The following DIP2C variants were observed in gnomAD, a reference collection of about 807,000 sequenced individuals.
The protein encoded by DIP2C is DIP2 acetate--CoA ligase C (putative), also known as disco-interacting protein 2 homolog C.
Under a neutral mutation model 192.4 loss-of-function variants are expected in DIP2C, and 33 were observed. That is an observed-to-expected ratio of 0.17 (90% CI 0.13 to 0.23). The LOEUF is 0.23. DIP2C is among the 10% of genes least tolerant of loss of function. The pLI, the probability that DIP2C is intolerant of heterozygous loss-of-function variation, is 1.00. For missense variants in DIP2C, 1,537 were observed against 2,110.1 expected (o/e 0.73, Z 5.32); for synonymous variants, 979 against 864.1 (o/e 1.13, Z -2.33).
chr10:586,413 C>A (rs1303767637), intron 1 of DIP2C, among the ~76,000 whole-genome samples: 1 of 152,128 alleles, frequency 6.6e-6, no homozygotes, highest in African/African-American at 2.4e-5. Flanking sequence ...CCTCAGGGAC[C>A]ACCAACCTCA....
intron 1 of DIP2C, among the ~76,000 whole-genome samples, chr10:548,208 A>ACCCCCACC (rs1783734357): frequency 3.6e-4 from 21 of 58,276 alleles, no homozygotes; most frequent in African/African-American, 1.3e-3. Context: ...AGTCTGCCCC[A>ACCCCCACC]CCCCCCCCCC....
chr10:418,033 C>A (rs1965880628), intron 6 of DIP2C, among the ~76,000 whole-genome samples: 1 of 57,570 alleles, frequency 1.7e-5, no homozygotes, highest in Non-Finnish European at 3.8e-5. Context: ...TCCCTGTCCA[C>A]CTGTTCCTGT....
intron 1 of DIP2C, among the ~76,000 whole-genome samples, chr10:579,976 GTACA>G (rs1196303657): frequency 2.0e-5 from 3 of 151,536 alleles, no homozygotes; most frequent in East Asian, 3.9e-4. Context: ...CATAGCCAAT[GTACA>G]TATACAGGTA....
At chr10:340,322 TTA>T (rs1958082592) in intron 29 of DIP2C, among the ~76,000 whole-genome samples, 1 of 152,130 alleles carries the variant, frequency 6.6e-6, no homozygotes, top group Non-Finnish European at 1.5e-5. Flanking sequence ...GAAATTATTT[TTA>T]TGTTTGTGTT....
At chr10:650,418 C>G in intron 1 of DIP2C, 1 of 714,016 alleles carries the variant, frequency 1.4e-6, no homozygotes, top group South Asian at 1.5e-5. Flanking sequence ...GAGAAGAACG[C>G]AGGCCGACAA....
At chr10:397,773 G>A (rs1328267505) in intron 10 of DIP2C, among the ~76,000 whole-genome samples, 2 of 152,192 alleles carry the variant, frequency 1.3e-5, no homozygotes, top group South Asian at 4.1e-4. Flanking sequence ...CCTTACATTG[G>A]TATGAGCGTA....
intron 1 of DIP2C, among the ~76,000 whole-genome samples, chr10:687,030 A>G (rs1831364584): frequency 6.6e-6 from 1 of 152,142 alleles, no homozygotes; most frequent in Non-Finnish European, 1.5e-5. Flanking sequence ...TTTCTATAAT[A>G]TTTTCTGATA....
At chr10:580,205 T>C (rs148714283) in intron 1 of DIP2C, among the ~76,000 whole-genome samples, 2 of 149,184 alleles carry the variant, frequency 1.3e-5, no homozygotes, top group East Asian at 2.0e-4. Context: ...CATATGCACA[T>C]ATATATAATG....
intron 1 of DIP2C, among the ~76,000 whole-genome samples, chr10:515,471 C>T (rs562246556): frequency 6.6e-6 from 1 of 152,216 alleles, no homozygotes; most frequent in East Asian, 1.9e-4. Context: ...ACCTTTAATC[C>T]CAGCACTTTG....
At chr10:610,957 C>A in intron 1 of DIP2C, among the ~76,000 whole-genome samples, 1 of 148,898 alleles carries the variant, frequency 6.7e-6, no homozygotes, top group Non-Finnish European at 1.5e-5. Flanking sequence ...TGGAGGTGGG[C>A]CCTGGTGGGA....
chr10:619,187 C>G (rs938769843), intron 1 of DIP2C, among the ~76,000 whole-genome samples: 1 of 152,170 alleles, frequency 6.6e-6, no homozygotes, highest in African/African-American at 2.4e-5. Context: ...ACTGTGAACA[C>G]CTGGACAAGT....
chr10:631,796 GT>G (rs1854535516), intron 1 of DIP2C, among the ~76,000 whole-genome samples: 1 of 152,162 alleles, frequency 6.6e-6, no homozygotes, highest in Non-Finnish European at 1.5e-5. Flanking sequence ...GCAGCTTAAT[GT>G]TTTCATGATA....
At chr10:614,411 G>T (rs1488771222) in intron 1 of DIP2C, among the ~76,000 whole-genome samples, 1 of 152,200 alleles carries the variant, frequency 6.6e-6, no homozygotes, top group African/African-American at 2.4e-5. Context: ...TAACAGTGCC[G>T]GCTCTGTGGT....
intron 1 of DIP2C, among the ~76,000 whole-genome samples, chr10:601,378 AAAGT>A (rs769969457): frequency 1.2e-4 from 18 of 152,188 alleles, no homozygotes; most frequent in Non-Finnish European, 2.1e-4. Context: ...TGCATATGTC[AAAGT>A]AAGAAACGTG....
intron 4 of DIP2C, among the ~76,000 whole-genome samples, chr10:426,455 T>C (rs1215902479): frequency 6.6e-6 from 1 of 152,240 alleles, no homozygotes; most frequent in Non-Finnish European, 1.5e-5. Context: ...TTCAAGGCAC[T>C]GCCTAATAAA....
intron 1 of DIP2C, among the ~76,000 whole-genome samples, chr10:489,385 G>A (rs1844259875): frequency 1.3e-5 from 2 of 152,248 alleles, no homozygotes; most frequent in Non-Finnish European, 2.9e-5. Flanking sequence ...AATAGATGAT[G>A]CATATAGACA....
chr10:454,168 T>C (rs1564732181), intron 3 of DIP2C, among the ~76,000 whole-genome samples: 1 of 152,284 alleles, frequency 6.6e-6, no homozygotes, highest in East Asian at 1.9e-4. Flanking sequence ...TTCATTCCCT[T>C]TAGGCCTTTC....
chr10:348,239 G>A (rs1217694422), intron 26 of DIP2C, among the ~76,000 whole-genome samples: 1 of 152,204 alleles, frequency 6.6e-6, no homozygotes, highest in African/African-American at 2.4e-5. Flanking sequence ...TGTAGACGAA[G>A]GAAAACAGAT....
intron 13 of DIP2C, among the ~76,000 whole-genome samples, chr10:388,181 AGAG>A (rs1184937142): frequency 6.6e-5 from 10 of 152,284 alleles, no homozygotes; most frequent in African/African-American, 2.2e-4. Flanking sequence ...CTCTGCGCAC[AGAG>A]GAGGAAGTGG....
Sources: gnomAD v4.1 joint callset for allele counts (sites outside exome capture counted in the v4.1 genomes callset) on GRCh38, gnomAD v4.1.1 for gene constraint, MANE v1.5 for transcripts, NCBI Gene and HGNC (gene_info 2026-07-23, HGNC 2026-07-21) for gene names.